Variants in PRDM16 observed in about 807,000 individuals in gnomAD.
PRDM16 encodes histone-lysine N-methyltransferase PRDM16.
PRDM16 carries 23 observed loss-of-function variants against 110.6 expected under a neutral mutation model. That is an observed-to-expected ratio of 0.21 (90% CI 0.15 to 0.29). PRDM16 has a LOEUF of 0.29. Ranked by LOEUF, PRDM16 falls within the 10% of genes least tolerant of loss-of-function variation. PRDM16 has a pLI of 1.00. For missense variants in PRDM16, 1,615 were observed against 1,794.3 expected (o/e 0.90, Z 1.81); for synonymous variants, 799 against 781.8 (o/e 1.02, Z -0.37).
intron 4 of PRDM16, chr1:3,396,185 G>A: frequency 2.2e-6 from 1 of 450,946 alleles, no homozygotes; most frequent in East Asian, 5.7e-5. Context: ...GGCTCTTGGT[G>A]GAAGCGGGGC....
chr1:3,240,814 A>C (rs1639653255), intron 2 of PRDM16, among the ~76,000 whole-genome samples: 1 of 152,242 alleles, frequency 6.6e-6, no homozygotes, highest in Non-Finnish European at 1.5e-5. Flanking sequence ...TTTAAGAGTC[A>C]AAAAAGAGGT....
chr1:3,189,157 C>A (rs1638232084), intron 2 of PRDM16, among the ~76,000 whole-genome samples: 2 of 152,202 alleles, frequency 1.3e-5, no homozygotes, highest in Non-Finnish European at 2.9e-5. Context: ...TGAGACGGGA[C>A]GGGAACACCA....
chr1:3,180,675 A>T (rs1294692063), intron 1 of PRDM16, among the ~76,000 whole-genome samples: 1 of 135,630 alleles, frequency 7.4e-6, no homozygotes, highest in Middle Eastern at 3.8e-3. Context: ...GAGGGAGGCA[A>T]GGGGGCCCGA....
intron 1 of PRDM16, among the ~76,000 whole-genome samples, chr1:3,138,153 C>T (rs1643477285): frequency 6.6e-6 from 1 of 152,212 alleles, no homozygotes; most frequent in Non-Finnish European, 1.5e-5. Flanking sequence ...AGAGAACTTC[C>T]TGCTTCCCTT....
intron 2 of PRDM16, among the ~76,000 whole-genome samples, chr1:3,216,512 GT>G (rs1639034538): frequency 6.6e-6 from 1 of 152,224 alleles, no homozygotes; most frequent in Non-Finnish European, 1.5e-5. Flanking sequence ...TGGTGGGTTG[GT>G]GGGTTTCAGA....
At chr1:3,270,920 T>TG (rs1446568918) in intron 3 of PRDM16, among the ~76,000 whole-genome samples, 1 of 150,906 alleles carries the variant, frequency 6.6e-6, no homozygotes, top group Non-Finnish European at 1.5e-5. Context: ...AGGAGGACAG[T>TG]GGGGGAGGAC....
Position 3,437,918 on chromosome 1 carries a change from G to A in PRDM16, c.*4107G>A, listed in dbSNP as rs919371364. 6 of 220,266 alleles carry A rather than the reference G, an allele frequency of 2.7e-5. No individual in the cohort carries two copies. The highest frequency in any genetic ancestry group is 1.3e-3 in the Middle Eastern group (1 of 746). The allele number at this position is 220,266 out of a possible 1,614,324, so 13.6% of individuals were successfully genotyped here. ...GTGTCAGAGTCGTAATTTAAAGCGT[G>A]TGTGTATATGGACTTTGTCCCTTAA... On this transcript the variant is annotated 3_prime_UTR_variant, in exon 17 of 17. Coordinates refer to ENST00000270722, the MANE Select transcript of PRDM16 (RefSeq NM_022114.4).
chr1:3,342,636 C>A lies in PRDM16; in HGVS notation c.439-42516C>A, dbSNP rs1642293580. Among the ~76,000 whole-genome samples the A allele has an allele frequency of 2.0e-5, 3 of 152,230 alleles. No homozygotes were observed. In the South Asian group the frequency reaches 6.2e-4, roughly 31 times the overall value. On this transcript the variant is annotated intron_variant, in intron 3 of 16. Transcript: ENST00000270722. ...GCTTTTCCATCACTCCTGGTCTCTT[C>A]CAGTCAATATCCCCCAAGGGCAAAT...
At chr1:3,256,368 G>T (rs577696140) in intron 3 of PRDM16, among the ~76,000 whole-genome samples, 2 of 152,156 alleles carry the variant, frequency 1.3e-5, no homozygotes, top group African/African-American at 2.4e-5. Flanking sequence ...ACATTCATGC[G>T]TAACCATGAC....
At chr1:3,266,520 T>C (rs1011795016) in intron 3 of PRDM16, among the ~76,000 whole-genome samples, 5 of 152,182 alleles carry the variant, frequency 3.3e-5, no homozygotes, top group Admixed American at 6.5e-5. Context: ...TTGGAGGCAT[T>C]GCTGCTCCGC....
chr1:3,190,502 G>C lies in PRDM16; in HGVS notation c.387+4028G>C, dbSNP rs907228736. On this transcript the variant is annotated intron_variant, in intron 2 of 16. Transcript: ENST00000270722. This position sits in a 1 kb window ranked among gnomAD's most constrained non-coding sequence, Gnocchi z 5.0. Reference sequence around the variant, plus strand: ...AACCCGCTTTGTTCCTGGGTGCTGCGAGGCATCCTGAGCTGTGCCCTGAGT... The same window carrying C: ...AACCCGCTTTGTTCCTGGGTGCTGCCAGGCATCCTGAGCTGTGCCCTGAGT... Among the ~76,000 whole-genome samples the C allele has an allele frequency of 6.6e-6, 1 of 152,108 alleles. No homozygotes were observed. The highest frequency in any genetic ancestry group is 2.1e-4 in the South Asian group (1 of 4,818).
At chr1:3,235,239 C>A (rs1447791995) in intron 2 of PRDM16, among the ~76,000 whole-genome samples, 1 of 152,208 alleles carries the variant, frequency 6.6e-6, no homozygotes, top group Non-Finnish European at 1.5e-5. Context: ...CAGGAACAAA[C>A]AGCCTCGCAG....
At chr1:3,400,214 C>T (rs1643444822) in intron 5 of PRDM16, among the ~76,000 whole-genome samples, 1 of 152,252 alleles carries the variant, frequency 6.6e-6, no homozygotes, top group Non-Finnish European at 1.5e-5. Context: ...GTTGCCCAGC[C>T]TCAGTTTGCC....
rs753221183 is a variant in PRDM16, at chr1:3,244,115, C to A, written c.416C>A (p.Pro139His). The A allele has an allele frequency of 3.1e-6, 5 of 1,613,918 alleles. No individual in the cohort carries two copies. Among genetic ancestry groups the A allele is most frequent in the Non-Finnish European group, 4.2e-6 (5 of 1,180,010 alleles). Reference sequence around the variant, plus strand: ...ATACTGACGGACGTGGAAGTGTCGCCCCAGGAAGGCTGCATCACAAAGGTA... The same window carrying A: ...ATACTGACGGACGTGGAAGTGTCGCACCAGGAAGGCTGCATCACAAAGGTA... ...EQILTDVEVSPQEGCITKISE... is the reference protein window; with the variant it reads ...EQILTDVEVSHQEGCITKISE... The change falls in exon 3 of 17, where the codon CCC becomes CAC. Residue 139 changes from proline to histidine, a missense_variant. Pro to His is a moderately conservative substitution (Grantham distance 77, BLOSUM62 -2). This residue lies in a region of PRDM16 where 416 missense variants were observed against 467.1 expected (regional missense o/e 0.89). Transcript: ENST00000270722. The surrounding 1 kb of genome is among the most constrained non-coding windows in gnomAD (Gnocchi z 4.1).
At position 3,169,888 on chromosome 1, in the gene PRDM16, G is replaced by A. The variant is rs1040777953; in HGVS notation, c.38-16237G>A. Among the ~76,000 whole-genome samples the A allele has an allele frequency of 1.8e-4, 27 of 152,214 alleles. 1 individual carries two copies. ...CGCCTTTGTCAGGGTGATTAATAGC[G>A]GGGGGACTGTCGTTAATTCACTGCC... On this transcript the variant is annotated intron_variant, in intron 1 of 16. Transcript: ENST00000270722.
chr1:3,244,429 C>T lies in PRDM16; in HGVS notation c.438+292C>T, dbSNP rs1639743239. ...GGAGAGCCCTGTACCTGTGGGAAAG[C>T]TTCAGGCCACGCAGACAGGAAAATT... On this transcript the variant is annotated intron_variant, in intron 3 of 16. Coordinates refer to ENST00000270722, the MANE Select transcript of PRDM16 (RefSeq NM_022114.4). This position sits in a 1 kb window ranked among gnomAD's most constrained non-coding sequence, Gnocchi z 4.1. Among the ~76,000 whole-genome samples the T allele has an allele frequency of 6.6e-6, 1 of 152,070 alleles. No individual in the cohort carries two copies. Among genetic ancestry groups the T allele is most frequent in the African/African-American group, 2.4e-5 (1 of 41,416 alleles).
intron 1 of PRDM16, among the ~76,000 whole-genome samples, chr1:3,161,258 C>A (rs1395143803): frequency 2.0e-5 from 3 of 148,124 alleles, no homozygotes; most frequent in African/African-American, 5.3e-5. Context: ...CCAGCAAACA[C>A]ACACACACAA....
At chr1:3,324,267 G>A (rs890710953) in intron 3 of PRDM16, among the ~76,000 whole-genome samples, 31 of 152,116 alleles carry the variant, frequency 2.0e-4, no homozygotes, top group Admixed American at 7.8e-4. Flanking sequence ...AGGGGGCTCC[G>A]CCTGCAGGGT....
At chr1:3,233,551 C>T (rs180778954) in intron 2 of PRDM16, among the ~76,000 whole-genome samples, 9 of 152,320 alleles carry the variant, frequency 5.9e-5, no homozygotes, top group South Asian at 2.1e-4. Context: ...AAAACCATTC[C>T]GCCAGCATCC....
Sources: gnomAD v4.1 joint callset for allele counts (sites outside exome capture counted in the v4.1 genomes callset) on GRCh38, gnomAD v4.1.1 for gene constraint, gnomAD v4.1.1 regional missense constraint, Gnocchi (gnomAD v3.1) non-coding constraint, MANE v1.5 for transcripts, NCBI Gene and HGNC (gene_info 2026-07-23, HGNC 2026-07-21) for gene names.